The following NBAS variants were observed in gnomAD, a reference collection of about 807,000 sequenced individuals.
The protein encoded by NBAS is NBAS subunit of NRZ tethering complex.
Under a neutral mutation model 302.5 loss-of-function variants are expected in NBAS, and 219 were observed. That is an observed-to-expected ratio of 0.72 (90% CI 0.65 to 0.81). The LOEUF (loss-of-function observed/expected upper bound fraction) is 0.81. Ranked by LOEUF, NBAS falls within the 30% of genes least tolerant of loss-of-function variation. The pLI, the probability that NBAS is intolerant of heterozygous loss-of-function variation, is 0.00. For synonymous variants in NBAS, 1,118 were observed against 1,021.6 expected, an observed-to-expected ratio of 1.09 and a Z score of -1.80; for missense variants, 2,932 against 2,841.6, an observed-to-expected ratio of 1.03 and a Z score of -0.72.
chr2:15,187,096 A>T (rs1164717134), intron 49 of NBAS, among the ~76,000 whole-genome samples: 1 of 152,142 alleles, frequency 6.6e-6, no homozygotes, highest in African/African-American at 2.4e-5. Flanking sequence ...GGAGGTAGTA[A>T]GTGCATTGAA....
chr2:15,443,114 A>T (rs1678523242), intron 21 of NBAS, among the ~76,000 whole-genome samples: 1 of 152,186 alleles, frequency 6.6e-6, no homozygotes, highest in Non-Finnish European at 1.5e-5. Flanking sequence ...AACTATTCCA[A>T]TTAACAGAAA....
chr2:14,828,985 G>A, the NBAS span, among the ~76,000 whole-genome samples: 2 of 151,966 alleles, frequency 1.3e-5, no homozygotes, highest in Non-Finnish European at 2.9e-5. Flanking sequence ...ATTTTTAAAT[G>A]AGACTGTACA....
intron 16 of NBAS, 37 bp downstream of exon 16, chr2:15,473,185 A>G (rs1250600082): frequency 3.7e-6 from 6 of 1,607,902 alleles, no homozygotes; most frequent in Non-Finnish European, 5.1e-6. Flanking sequence ...TTACATGAAT[A>G]TACATTTTAC....
the NBAS span, among the ~76,000 whole-genome samples, chr2:15,097,976 ATAATATATATATTATATTGT>A: frequency 3.9e-5 from 4 of 101,668 alleles, 1 homozygote; most frequent in African/African-American, 1.6e-4. Flanking sequence ...TATATTGTAT[ATAATATATATATTATATTGT>A]ATATAATATA....
chr2:15,522,560 A>G (rs567012954), intron 9 of NBAS, among the ~76,000 whole-genome samples: 9 of 152,364 alleles, frequency 5.9e-5, no homozygotes, highest in African/African-American at 2.2e-4. Context: ...CAAAGATATT[A>G]CATATGCATT....
chr2:15,198,914 C>G (rs1665743258), intron 48 of NBAS, among the ~76,000 whole-genome samples: 1 of 151,882 alleles, frequency 6.6e-6, no homozygotes, highest in Non-Finnish European at 1.5e-5. Flanking sequence ...ATCATGAGGT[C>G]CGGAGATTGA....
the NBAS span, among the ~76,000 whole-genome samples, chr2:15,002,742 G>C: frequency 6.6e-6 from 1 of 152,196 alleles, no homozygotes; most frequent in African/African-American, 2.4e-5. Flanking sequence ...GGCACTGCTG[G>C]GGGACCCAGT....
intron 21 of NBAS, among the ~76,000 whole-genome samples, chr2:15,443,948 G>A (rs1279414592): frequency 6.6e-6 from 1 of 151,880 alleles, no homozygotes. Flanking sequence ...ACTTACAAGG[G>A]ATGTGAAGGA....
At chr2:15,309,648 T>C (rs561015646) in intron 38 of NBAS, among the ~76,000 whole-genome samples, 34 of 152,276 alleles carry the variant, frequency 2.2e-4, no homozygotes, top group African/African-American at 7.9e-4. Flanking sequence ...ATAAAATAGC[T>C]TTAGGAGTGC....
chr2:15,355,342 A>G (rs926133307), intron 33 of NBAS, among the ~76,000 whole-genome samples: 1 of 151,844 alleles, frequency 6.6e-6, no homozygotes, highest in Admixed American at 6.6e-5. Context: ...AACAACAACA[A>G]CAAAACTCCC....
At chr2:15,300,869 A>G (rs1670765683) in intron 40 of NBAS, among the ~76,000 whole-genome samples, 1 of 152,206 alleles carries the variant, frequency 6.6e-6, no homozygotes, top group Non-Finnish European at 1.5e-5. Context: ...GGGAGAAGGA[A>G]GAAGTATTTC....
rs1219843162 is a variant in NBAS at position 15,561,272 on chromosome 2, A to T, written c.33T>A (p.Ser11Arg). Residue 11 changes from serine (S) to arginine (R), a missense_variant, in exon 1 of 52, where the codon AGT becomes AGA. Coordinates refer to ENST00000281513, the MANE Select transcript of NBAS (RefSeq NM_015909.4). MAAPESGPAL[S>R]PGTAEGEEET... ...CCTCCTCACCCTCTGCAGTGCCTGG[A>T]CTCAAAGCCGGCCCTGACTCGGGGG... 1.2e-6 allele frequency: 2 copies of T among 1,613,622 alleles called. No homozygotes were observed. The highest frequency in any genetic ancestry group is 2.2e-5 in the East Asian group (1 of 44,852).
intron 30 of NBAS, among the ~76,000 whole-genome samples, chr2:15,378,228 G>A (rs3805103): frequency 0.61 from 92,409 of 152,046 alleles, 29,054 homozygotes; most frequent in Non-Finnish European, 0.68. Flanking sequence ...CTCTAGAAAT[G>A]AATGAGGATC....
At chr2:14,972,662 AC>A in the NBAS span, among the ~76,000 whole-genome samples, 1 of 152,230 alleles carries the variant, frequency 6.6e-6, no homozygotes, top group Non-Finnish European at 1.5e-5. Flanking sequence ...AAGCTGTGGA[AC>A]CAGATGTAAG....
Position 15,275,656 on chromosome 2 carries a change from A to G in NBAS, c.5552T>C (p.Leu1851Ser). Residue 1851 changes from leucine to serine, a missense_variant, in exon 44 of 52, where the codon TTA (leucine) becomes TCA (serine). Coordinates refer to ENST00000281513, the MANE Select transcript of NBAS (RefSeq NM_015909.4). ...GTCTCCAGTCCAGAACAACTTCTGT[A>G]ACCAGATGGTGTACAGAGAGCTTGG... is the stretch of plus-strand genomic sequence containing the variant. ...LSPSSLYTIW[L>S]QKLFWTGDPH... The G allele has an allele frequency of 6.2e-7, 1 of 1,614,190 alleles. No individual in the cohort carries two copies. The highest frequency in any genetic ancestry group is 1.3e-5 in the African/African-American group (1 of 75,054).
intron 30 of NBAS, among the ~76,000 whole-genome samples, chr2:15,375,871 A>T (rs1013410070): frequency 2.6e-5 from 4 of 152,062 alleles, no homozygotes; most frequent in Admixed American, 2.0e-4. Flanking sequence ...ATAAAATAGA[A>T]CTGTCTGTAC....
chr2:14,915,896 GCC>G, the NBAS span, among the ~76,000 whole-genome samples: 3 of 152,034 alleles, frequency 2.0e-5, no homozygotes, highest in Non-Finnish European at 4.4e-5. Context: ...CTCTGCACAA[GCC>G]CTCTCTTTGC....
At chr2:14,813,502 A>T in the NBAS span, among the ~76,000 whole-genome samples, 1 of 152,166 alleles carries the variant, frequency 6.6e-6, no homozygotes, top group African/African-American at 2.4e-5. Flanking sequence ...TGGAACTTTA[A>T]ACTTGAGAGA....
intron 51 of NBAS, among the ~76,000 whole-genome samples, chr2:15,170,121 C>T (rs1361393339): frequency 6.6e-6 from 1 of 152,212 alleles, no homozygotes; most frequent in Non-Finnish European, 1.5e-5. Context: ...ACTAACCCTC[C>T]CCTCTGGGAG....
Sources: allele counts gnomAD v4.1 joint callset (sites outside exome capture counted in the v4.1 genomes callset), GRCh38; gene constraint gnomAD v4.1.1; transcripts MANE v1.5; gene names NCBI Gene and HGNC (gene_info 2026-07-23, HGNC 2026-07-21).